The following MLLT3 variants were observed in gnomAD, a reference collection of about 807,000 sequenced individuals.
MLLT3 encodes MLLT3 super elongation complex subunit.
A neutral mutation model predicts 53.2 loss-of-function variants in MLLT3; 4 were observed. The observed-to-expected ratio is 0.08, with a 90% confidence interval of 0.04 to 0.17. The LOEUF (loss-of-function observed/expected upper bound fraction) is 0.17, where lower values mean the gene tolerates loss of function less well. Among genes scored for constraint, MLLT3 ranks in the 10% least tolerant of loss-of-function variants. The pLI is 1.00. For synonymous variants in MLLT3, 283 were observed against 230.6 expected, an observed-to-expected ratio of 1.23 and a Z score of -2.06; for missense variants, 569 against 684.0, an observed-to-expected ratio of 0.83 and a Z score of 1.87.
At chr9:20,429,860 G>A (rs879788765) in intron 4 of MLLT3, among the ~76,000 whole-genome samples, 2 of 152,238 alleles carry the variant, frequency 1.3e-5, no homozygotes, top group Admixed American at 1.3e-4. Context: ...CAAATTATTA[G>A]AATCAGTCCC....
chr9:20,490,136 C>T (rs1397768903), intron 2 of MLLT3, among the ~76,000 whole-genome samples: 4 of 152,150 alleles, frequency 2.6e-5, no homozygotes, highest in Non-Finnish European at 4.4e-5. Flanking sequence ...GATTAAGTAC[C>T]ATGACAGGCA....
At chr9:20,535,161 C>T (rs988079152) in intron 2 of MLLT3, among the ~76,000 whole-genome samples, 8 of 152,182 alleles carry the variant, frequency 5.3e-5, no homozygotes, top group Non-Finnish European at 1.0e-4. Context: ...CCTCTCAGAT[C>T]AGTGGTGGCA....
intron 4 of MLLT3, among the ~76,000 whole-genome samples, chr9:20,429,380 T>C (rs184699225): frequency 1.1e-3 from 162 of 151,990 alleles, no homozygotes; most frequent in East Asian, 9.7e-4. Context: ...AAAAAACTAA[T>C]AATAATAGAG....
At position 20,425,076 on chromosome 9, in the gene MLLT3, A is replaced by C. The variant is rs1323932649; in HGVS notation, c.421-10651T>G. 8.5e-5 allele frequency among the ~76,000 whole-genome samples: 13 copies of C among 152,170 alleles called. No individual in the cohort carries two copies. The East Asian group carries it at 2.3e-3, about 27-fold the overall frequency. On this transcript the variant is annotated intron_variant, in intron 4 of 10. Coordinates refer to ENST00000380338, the MANE Select transcript of MLLT3 (RefSeq NM_004529.4). ...CAACGTAAGTGTCTGAACAGAAGAG[A>C]AGGGAAATAACTTTAGGATAACCTG...
At chr9:20,534,301 C>A (rs1818421984) in intron 2 of MLLT3, among the ~76,000 whole-genome samples, 1 of 152,142 alleles carries the variant, frequency 6.6e-6, no homozygotes, top group Non-Finnish European at 1.5e-5. Flanking sequence ...GGGAAAAAGT[C>A]TTCATTAGAA....
At chr9:20,422,095 C>T (rs914693504) in intron 4 of MLLT3, among the ~76,000 whole-genome samples, 1 of 151,888 alleles carries the variant, frequency 6.6e-6, no homozygotes, top group African/African-American at 2.4e-5. Flanking sequence ...AGTCAATGGG[C>T]AGAAGACTAA....
intron 4 of MLLT3, among the ~76,000 whole-genome samples, chr9:20,431,426 G>A (rs1330288082): frequency 6.6e-6 from 1 of 152,052 alleles, no homozygotes; most frequent in African/African-American, 2.4e-5. Flanking sequence ...AACAGAACTG[G>A]TTTAGGTAAG....
At chr9:20,445,871 A>T (rs1022305563) in intron 4 of MLLT3, among the ~76,000 whole-genome samples, 7 of 152,192 alleles carry the variant, frequency 4.6e-5, no homozygotes, top group Non-Finnish European at 8.8e-5. Context: ...GAAGAAGAAG[A>T]AGTTTATCTG....
At chr9:20,589,048 C>T (rs1029987305) in intron 2 of MLLT3, among the ~76,000 whole-genome samples, 1 of 151,024 alleles carries the variant, frequency 6.6e-6, no homozygotes. Flanking sequence ...GGATCTAGAA[C>T]TAGAAATACC....
chr9:20,461,331 T>C (rs943980211), intron 2 of MLLT3, among the ~76,000 whole-genome samples: 2 of 152,222 alleles, frequency 1.3e-5, no homozygotes, highest in African/African-American at 2.4e-5. Context: ...TAATTTTTAG[T>C]TGGAAAACAT....
intron 4 of MLLT3, among the ~76,000 whole-genome samples, chr9:20,415,821 T>C (rs16938062): frequency 1.3e-5 from 2 of 151,972 alleles, no homozygotes; most frequent in South Asian, 2.1e-4. Context: ...CACAAAGTAA[T>C]ATCCAAATGA....
intron 5 of MLLT3, among the ~76,000 whole-genome samples, chr9:20,400,917 T>C (rs992336055): frequency 1.3e-5 from 2 of 152,164 alleles, no homozygotes; most frequent in Non-Finnish European, 2.9e-5. Context: ...CTAGAATTTG[T>C]ATTTTAGAAA....
At chr9:20,473,032 T>C (rs1481237796) in intron 2 of MLLT3, among the ~76,000 whole-genome samples, 1 of 152,132 alleles carries the variant, frequency 6.6e-6, no homozygotes, top group African/African-American at 2.4e-5. Flanking sequence ...ATACCAGTTT[T>C]TGGTCTCTAC....
chr9:20,554,629 C>T (rs1323538215), intron 2 of MLLT3, among the ~76,000 whole-genome samples: 5 of 152,168 alleles, frequency 3.3e-5, no homozygotes, highest in Admixed American at 3.3e-4. Flanking sequence ...AAACTTTTAA[C>T]TGACTTCACT....
At chr9:20,569,043 C>A (rs547458212) in intron 2 of MLLT3, among the ~76,000 whole-genome samples, 1 of 152,212 alleles carries the variant, frequency 6.6e-6, no homozygotes, top group East Asian at 1.9e-4. Context: ...CTATCCAGAG[C>A]CTCAGGTTCC....
chr9:20,376,077 T>C (rs1238786160), intron 5 of MLLT3, among the ~76,000 whole-genome samples: 1 of 152,126 alleles, frequency 6.6e-6, no homozygotes, highest in Non-Finnish European at 1.5e-5. Context: ...TCAATATAAA[T>C]CCCATAATAT....
chr9:20,519,548 TCA>T (rs537659407), intron 2 of MLLT3, among the ~76,000 whole-genome samples: 119 of 152,154 alleles, frequency 7.8e-4, no homozygotes, highest in African/African-American at 2.8e-3. Flanking sequence ...TCACTGAATC[TCA>T]CTTTTCAAAA....
At chr9:20,470,737 G>T (rs578208730) in intron 2 of MLLT3, among the ~76,000 whole-genome samples, 3 of 151,934 alleles carry the variant, frequency 2.0e-5, no homozygotes, top group Admixed American at 2.0e-4. Flanking sequence ...TACAAAGGAG[G>T]GTAGGGAGGG....
At position 20,448,816 on chromosome 9, in the gene MLLT3, T is replaced by G. The variant is rs186677126; in HGVS notation, c.277-550A>C. Among the ~76,000 whole-genome samples, 1 of 152,222 alleles carries G rather than the reference T, an allele frequency of 6.6e-6. No homozygotes were observed. Among genetic ancestry groups the G allele is most frequent in the African/African-American group, 2.4e-5 (1 of 41,464 alleles). ...AAATTTCAACAGCTTCCAATAGCCA[T>G]TGGGCTAAAAATCCTAATCTCACTT... On this transcript the variant is annotated intron_variant, in intron 3 of 10. Coordinates refer to ENST00000380338, the MANE Select transcript of MLLT3 (RefSeq NM_004529.4). The surrounding 1 kb of genome is among the most constrained non-coding windows in gnomAD (Gnocchi z 4.0).
Sources: gnomAD v4.1 joint callset for allele counts (sites outside exome capture counted in the v4.1 genomes callset) on GRCh38, gnomAD v4.1.1 for gene constraint, Gnocchi (gnomAD v3.1) non-coding constraint, MANE v1.5 for transcripts, NCBI Gene and HGNC (gene_info 2026-07-23, HGNC 2026-07-21) for gene names.